Variants in PSAP observed in about 807,000 individuals in gnomAD.
The protein encoded by PSAP is prosaposin, also known as precursor of saposins.
PSAP carries 25 observed loss-of-function variants against 66.0 expected under a neutral mutation model. That is an observed-to-expected ratio of 0.38 (90% CI 0.28 to 0.53). The LOEUF (loss-of-function observed/expected upper bound fraction) is 0.53. PSAP is among the 20% of genes least tolerant of loss of function. The pLI is 0.83. For missense variants in PSAP, 649 were observed against 668.8 expected (o/e 0.97, Z 0.33); for synonymous variants, 273 against 258.9 (o/e 1.05, Z -0.52).
rs375720661 is a variant in PSAP at position 71,851,249 on chromosome 10, T to G, written c.-28A>C. 3.2e-4 allele frequency: 490 copies of G among 1,550,362 alleles called. 1 individual carries two copies. In the Middle Eastern group the frequency reaches 8.7e-3, roughly 27 times the overall value. On this transcript the variant is annotated 5_prime_UTR_variant, in exon 1 of 14. Transcript: ENST00000394936. ...CGCCGTCTGACTCCGCAGTCTGCAA[T>G]GCGGAGCGTCAGCTGATCCCCCGCA...
In PSAP at chr10:71,821,867, A is replaced by C; in HGVS notation, c.909+9T>G. 1 of 1,614,184 alleles carries C rather than the reference A, an allele frequency of 6.2e-7. No homozygotes were observed. The highest frequency in any genetic ancestry group is 8.5e-7 in the Non-Finnish European group (1 of 1,180,022). ...AGCCCTGACCAGGACACAAAGTGAC[A>C]CCAGGTACCTTAATGGGCTCCACCA... On this transcript the variant is annotated intron_variant, in intron 8 of 13. Coordinates refer to ENST00000394936, the MANE Select transcript of PSAP (RefSeq NM_002778.4).
rs545307941 is a variant in PSAP, at chr10:71,819,871, C to A, written c.1035G>T (p.Met345Ile). Residue 345 changes from methionine (M) to isoleucine (I), a missense_variant, in exon 10 of 14, where the codon ATG (methionine) becomes ATT (isoleucine). Transcript: ENST00000394936. ...ACAGGGACTTCGGCAGCTTCGAGCACATTTTGTCAAAAGCGTCGAGTATTT... is the reference window on the plus strand; with the variant it reads ...ACAGGGACTTCGGCAGCTTCGAGCAAATTTTGTCAAAAGCGTCGAGTATTT... ...EKEILDAFDKMCSKLPKSLSE... is the reference protein window; with the variant it reads ...EKEILDAFDKICSKLPKSLSE... 1.1e-5 allele frequency: 18 copies of A among 1,614,156 alleles called. No homozygotes were observed. The highest frequency in any genetic ancestry group is 1.5e-5 in the Non-Finnish European group (18 of 1,180,032).
At chr10:71,838,499 T>C (rs1254891855) in intron 1 of PSAP, among the ~76,000 whole-genome samples, 1 of 152,186 alleles carries the variant, frequency 6.6e-6, no homozygotes, top group Non-Finnish European at 1.5e-5. Context: ...CTGGTATGAG[T>C]GGCTCCAGAC....
chr10:71,841,601 T>G (rs985441814), intron 1 of PSAP, among the ~76,000 whole-genome samples: 2 of 152,166 alleles, frequency 1.3e-5, no homozygotes, highest in Non-Finnish European at 2.9e-5. Flanking sequence ...CCAGGCACAG[T>G]GGCTCCCATC....
intron 1 of PSAP, among the ~76,000 whole-genome samples, chr10:71,842,112 C>A (rs1057105386): frequency 6.6e-6 from 1 of 152,134 alleles, no homozygotes; most frequent in African/African-American, 2.4e-5. Context: ...GTCCAAAACG[C>A]CGAGCATCCC....
Position 71,831,183 on chromosome 10 carries a change from G to C in PSAP, c.318C>G (p.Cys106Trp). The change falls in exon 4 of 14, where the codon TGC becomes TGG. Residue 106 changes from cysteine to tryptophan, a missense_variant. Physicochemically the swap from Cys to Trp is radical, Grantham distance 215 (BLOSUM62 -2). Transcript: ENST00000394936. The stretch of plus-strand genomic sequence containing the variant: ...GGAGGTAGGAGTCCACTATCTCCTT[G>C]CATGAAGCAGACATGTTCGGTTTCG... ...WLPKPNMSAS[C>W]KEIVDSYLPV... The C allele has an allele frequency of 6.2e-7, 1 of 1,614,110 alleles. No individual in the cohort carries two copies.
chr10:71,819,408 G>T, intron 11 of PSAP, 57 bp downstream of exon 11: 1 of 1,603,930 alleles, frequency 6.2e-7, no homozygotes, highest in South Asian at 1.1e-5. Context: ...CCCCAGCCTT[G>T]GCATACTTCA....
intron 4 of PSAP, 60 bp from the exon 5 acceptor site, chr10:71,829,137 C>A (rs1414304684): frequency 4.1e-6 from 6 of 1,466,606 alleles, no homozygotes; most frequent in African/African-American, 1.4e-5. Context: ...ATAAGACAGG[C>A]CATCTAGTGC....
chr10:71,831,587 C>A (rs1842518735), intron 3 of PSAP, among the ~76,000 whole-genome samples: 1 of 152,262 alleles, frequency 6.6e-6, no homozygotes, highest in African/African-American at 2.4e-5. Context: ...GCAAAGTAGG[C>A]CCTTCAGCTT....
At chr10:71,831,331 A>G (rs1279459057) in intron 3 of PSAP, 80 bp from the exon 4 acceptor site, 2 of 1,565,620 alleles carry the variant, frequency 1.3e-6, no homozygotes, top group Non-Finnish European at 1.7e-6. Context: ...GAGGCCCTCA[A>G]TAGCTCCCAG....
chr10:71,849,575 G>A (rs1284255724), intron 1 of PSAP, among the ~76,000 whole-genome samples: 1 of 151,920 alleles, frequency 6.6e-6, no homozygotes, highest in Non-Finnish European at 1.5e-5. Context: ...CACCACTCCG[G>A]CCTGGGCAAC....
chr10:71,823,702 C>T (rs1842347373), intron 7 of PSAP, among the ~76,000 whole-genome samples: 2 of 151,988 alleles, frequency 1.3e-5, no homozygotes, highest in South Asian at 4.1e-4. Flanking sequence ...CCCAAAACCT[C>T]AAGGGCTGAA....
intron 7 of PSAP, among the ~76,000 whole-genome samples, chr10:71,824,567 C>T (rs957711622): frequency 3.3e-5 from 5 of 152,178 alleles, no homozygotes; most frequent in East Asian, 1.9e-4. Context: ...TAGATACATC[C>T]GGCCACCGGG....
At chr10:71,827,946 T>C in intron 6 of PSAP, 68 bp downstream of exon 6, 1 of 1,600,488 alleles carries the variant, frequency 6.2e-7, no homozygotes, top group Non-Finnish European at 8.5e-7. Flanking sequence ...CTGAACGCCC[T>C]ACTCCAGCCT....
At position 71,845,080 on chromosome 10, in the gene PSAP, G is replaced by A. The variant is rs114087897; in HGVS notation, c.40+6102C>T. On this transcript the variant is annotated intron_variant, in intron 1 of 13. Coordinates refer to ENST00000394936, the MANE Select transcript of PSAP (RefSeq NM_002778.4). ...AATTTATAAACTAAACTTTATCACAGGTATGTATGCATAAGATAAAACATA... is the reference window on the plus strand; with the variant it reads ...AATTTATAAACTAAACTTTATCACAAGTATGTATGCATAAGATAAAACATA... Among the ~76,000 whole-genome samples the A allele has an allele frequency of 2.8e-3, 428 of 152,138 alleles. 3 individuals are homozygous for A. The highest frequency in any genetic ancestry group is 9.6e-3 in the African/African-American group (397 of 41,480).
intron 2 of PSAP, among the ~76,000 whole-genome samples, chr10:71,834,086 T>A (rs1425128662): frequency 6.6e-6 from 1 of 152,158 alleles, no homozygotes; most frequent in Non-Finnish European, 1.5e-5. Context: ...AGAGGCAGCA[T>A]GGGGCAGGCA....
At chr10:71,818,019 T>G (rs981334987) in intron 13 of PSAP, among the ~76,000 whole-genome samples, 29 of 152,194 alleles carry the variant, frequency 1.9e-4, no homozygotes, top group African/African-American at 7.0e-4. Flanking sequence ...CAACCGCCAC[T>G]GACATGGTCA....
chr10:71,840,067 C>A (rs1037525151), intron 1 of PSAP, among the ~76,000 whole-genome samples: 1 of 151,942 alleles, frequency 6.6e-6, no homozygotes, highest in Non-Finnish European at 1.5e-5. Context: ...AATGACAGGA[C>A]AACATTTCCT....
chr10:71,828,029 AG>A lies in PSAP; in HGVS notation c.704del (p.Pro235LeufsTer21). ...HVKEECDRLG[P>X]GMADICKNYI... ...CAAGGCTCACTATGTCGGCCATGCC[AG>A]GGCCCAGGCGGTCACACTCCTCCTT... On this transcript the variant is annotated frameshift_variant, in exon 6 of 14. Coordinates refer to ENST00000394936, the MANE Select transcript of PSAP (RefSeq NM_002778.4). LOFTEE classifies it high-confidence loss of function. The A allele has an allele frequency of 6.2e-7, 1 of 1,614,214 alleles. No homozygotes were observed. Among genetic ancestry groups the A allele is most frequent in the Non-Finnish European group, 8.5e-7 (1 of 1,180,036 alleles).
Sources: allele counts gnomAD v4.1 joint callset (sites outside exome capture counted in the v4.1 genomes callset), GRCh38; gene constraint gnomAD v4.1.1; transcripts MANE v1.5; gene names NCBI Gene and HGNC (gene_info 2026-07-23, HGNC 2026-07-21).